Variants in PCDHGB3 observed in about 807,000 individuals in gnomAD.
PCDHGB3 encodes the protein protocadherin gamma subfamily B, 3.
In PCDHGB3, 40 loss-of-function variants were observed where a neutral mutation model predicts 59.2. The ratio of observed to expected loss-of-function variants is 0.68; its 90% CI spans 0.52 to 0.88. PCDHGB3 has a LOEUF of 0.88. PCDHGB3 is among the 40% of genes least tolerant of loss of function. PCDHGB3 has a pLI of 0.00. For synonymous variants in PCDHGB3, 581 were observed against 503.6 expected, an observed-to-expected ratio of 1.15 and a Z score of -2.06; for missense variants, 1,309 against 1,187.9, an observed-to-expected ratio of 1.10 and a Z score of -1.50.
chr5:141,376,611 C>G lies in PCDHGB3; in HGVS notation c.2415+3802C>G. 2.1e-6 allele frequency: 3 copies of G among 1,439,262 alleles called. No individual in the cohort carries two copies. The East Asian group carries it at 7.3e-5, about 35-fold the overall frequency. The allele number at this position is 1,439,262 out of a possible 1,614,324, so 89.2% of individuals were successfully genotyped here. A position where few individuals can be genotyped will look rare whatever the true frequency, so the allele number is the denominator to read the frequency against. On this transcript the variant is annotated intron_variant, in intron 1 of 3. Coordinates refer to ENST00000576222, the MANE Select transcript of PCDHGB3 (RefSeq NM_018924.5). ...GATCGGCTGTTATAGAAGCGAACCT[C>G]TTTTGGTACAGGAAGATTCGTGATT...
In PCDHGB3 at chr5:141,375,395, A is replaced by T. The variant is rs571734136; in HGVS notation, c.2415+2586A>T. 1.2e-6 allele frequency: 2 copies of T among 1,613,932 alleles called. No individual in the cohort carries two copies. The highest frequency in any genetic ancestry group is 2.2e-5 in the South Asian group (2 of 91,080). ...ACCACCTCTGTCTACAGAAACAATC[A>T]TCTCTCTAAATGTGGCAGACACCAA... On this transcript the variant is annotated intron_variant, in intron 1 of 3. Coordinates refer to ENST00000576222, the MANE Select transcript of PCDHGB3 (RefSeq NM_018924.5).
intron 1 of PCDHGB3, chr5:141,399,419 G>T (rs778389329): frequency 6.2e-7 from 1 of 1,614,000 alleles, no homozygotes; most frequent in Admixed American, 1.7e-5. Context: ...CTCTCCTCCA[G>T]CATAAGCGTC....
intron 1 of PCDHGB3, chr5:141,428,805 C>G (rs1468764398): frequency 6.6e-6 from 1 of 152,108 alleles, no homozygotes; most frequent in African/African-American, 2.4e-5. Flanking sequence ...GGGCCAGTAA[C>G]TTCATTATTA....
At chr5:141,484,399 CCGCTGTGTCT>C (rs1488164183) in intron 1 of PCDHGB3, among the ~76,000 whole-genome samples, 4 of 152,186 alleles carry the variant, frequency 2.6e-5, no homozygotes, top group Non-Finnish European at 4.4e-5. Context: ...GGTTTGGTTT[CCGCTGTGTCT>C]CCTGTTACAA....
At chr5:141,483,291 A>T (rs767446911) in intron 1 of PCDHGB3, among the ~76,000 whole-genome samples, 4 of 152,126 alleles carry the variant, frequency 2.6e-5, no homozygotes, top group African/African-American at 4.8e-5. Flanking sequence ...TGTCAGTCAT[A>T]AGTGAAGGGA....
At chr5:141,501,755 G>C (rs2099810889) in intron 2 of PCDHGB3, among the ~76,000 whole-genome samples, 1 of 152,116 alleles carries the variant, frequency 6.6e-6, no homozygotes, top group Non-Finnish European at 1.5e-5. Context: ...GAAGCTCTCA[G>C]TAAATGGTTA....
intron 1 of PCDHGB3, among the ~76,000 whole-genome samples, chr5:141,494,547 C>T (rs2099755185): frequency 6.6e-6 from 1 of 152,106 alleles, no homozygotes; most frequent in East Asian, 1.9e-4. Context: ...GAGGAAGGGG[C>T]CATTTCTTTA....
At chr5:141,389,514 G>C (rs1030106901) in intron 1 of PCDHGB3, 2 of 1,613,132 alleles carry the variant, frequency 1.2e-6, no homozygotes, top group Non-Finnish European at 1.7e-6. Flanking sequence ...CAGCGCGAAC[G>C]TGAGCCTGCG....
At chr5:141,430,774 A>G (rs1269572813) in intron 1 of PCDHGB3, 11 of 1,508,872 alleles carry the variant, frequency 7.3e-6, no homozygotes, top group Non-Finnish European at 8.8e-7. Context: ...TTCCTGCGCG[A>G]CTGCACCGGG....
At chr5:141,381,798 C>CTCTTTCTTTCTTTCTTTCTTTCTT (rs372235829) in intron 1 of PCDHGB3, among the ~76,000 whole-genome samples, 8 of 144,168 alleles carry the variant, frequency 5.5e-5, no homozygotes, top group African/African-American at 1.9e-4. Flanking sequence ...AGGCAATTCC[C>CTCTTTCTTTCTTTCTTTCTTTCTT]TCTTTCTTTC....
At chr5:141,413,626 G>T (rs757785567) in intron 1 of PCDHGB3, 24 of 1,613,680 alleles carry the variant, frequency 1.5e-5, no homozygotes, top group Non-Finnish European at 1.7e-5. Context: ...TGAAAATGTC[G>T]CTGCGGGAAT....
chr5:141,464,394 G>A (rs1277856342), intron 1 of PCDHGB3, among the ~76,000 whole-genome samples: 1 of 150,654 alleles, frequency 6.6e-6, no homozygotes. Context: ...TGCTAATGAA[G>A]AACCTGAGAT....
At chr5:141,408,557 G>A in intron 1 of PCDHGB3, 6 of 1,614,046 alleles carry the variant, frequency 3.7e-6, no homozygotes, top group Non-Finnish European at 5.1e-6. Flanking sequence ...TATTTTTCAT[G>A]TCATTGTGGT....
intron 1 of PCDHGB3, chr5:141,411,313 T>C (rs970801897): frequency 6.6e-5 from 10 of 152,224 alleles, no homozygotes; most frequent in African/African-American, 2.4e-4. Context: ...CTCACACCTA[T>C]AATCACAGCA....
chr5:141,474,721 A>T (rs942537231), intron 1 of PCDHGB3, among the ~76,000 whole-genome samples: 10 of 152,214 alleles, frequency 6.6e-5, no homozygotes, highest in African/African-American at 1.7e-4. Flanking sequence ...CTTCAAAAGG[A>T]CTCTATGCAA....
chr5:141,457,172 T>C (rs1425263344), intron 1 of PCDHGB3, among the ~76,000 whole-genome samples: 1 of 152,212 alleles, frequency 6.6e-6, no homozygotes, highest in East Asian at 1.9e-4. Context: ...ATAACCCTAT[T>C]GCAAATAGTA....
intron 1 of PCDHGB3, among the ~76,000 whole-genome samples, chr5:141,459,962 C>T (rs994878993): frequency 5.3e-5 from 8 of 152,290 alleles, no homozygotes; most frequent in South Asian, 2.1e-4. Flanking sequence ...CCTGTAATCC[C>T]AGCTACTCAG....
At chr5:141,444,873 C>T (rs1298516499) in intron 1 of PCDHGB3, among the ~76,000 whole-genome samples, 1 of 152,080 alleles carries the variant, frequency 6.6e-6, no homozygotes, top group African/African-American at 2.4e-5. Flanking sequence ...CAGGACAAAG[C>T]TTGTAGGATT....
At chr5:141,383,607 T>C in intron 1 of PCDHGB3, 1 of 1,613,780 alleles carries the variant, frequency 6.2e-7, no homozygotes, top group South Asian at 1.1e-5. Flanking sequence ...TGGATGTGAA[T>C]GACCACACGC....
Sources: allele counts gnomAD v4.1 joint callset (sites outside exome capture counted in the v4.1 genomes callset), GRCh38; gene constraint gnomAD v4.1.1; transcripts MANE v1.5; gene names NCBI Gene and HGNC (gene_info 2026-07-23, HGNC 2026-07-21).